Variants in SQSTM1 observed in about 807,000 individuals in gnomAD.
SQSTM1 encodes sequestosome 1, also known as sequestosome-1.
In SQSTM1, 36 loss-of-function variants were observed where a neutral mutation model predicts 45.1. That is an observed-to-expected ratio of 0.80 (90% CI 0.61 to 1.05). The LOEUF (loss-of-function observed/expected upper bound fraction) is 1.05. Ranked by LOEUF, SQSTM1 falls within the 50% of genes least tolerant of loss-of-function variation. The probability of loss-of-function intolerance (pLI) is 0.00; values close to 1 mark genes in which losing one functional copy is unlikely to be tolerated. For synonymous variants in SQSTM1, 290 were observed against 244.3 expected, an observed-to-expected ratio of 1.19 and a Z score of -1.74; for missense variants, 617 against 607.1, an observed-to-expected ratio of 1.02 and a Z score of -0.17.
chr5:179,835,363 G>T (rs924725065), intron 7 of SQSTM1: 1 of 173,920 alleles, frequency 5.7e-6, no homozygotes, highest in Non-Finnish European at 1.2e-5. Flanking sequence ...GTAGCGAGCC[G>T]AGATCACGCC....
At chr5:179,821,245 G>A in intron 1 of SQSTM1, 104 bp downstream of exon 1, 1 of 1,134,160 alleles carries the variant, frequency 8.8e-7, no homozygotes, top group Non-Finnish European at 1.2e-6. Context: ...GGCGGGCCGT[G>A]AGGGGGTCTG....
chr5:179,825,148 T>C lies in SQSTM1; in HGVS notation c.676T>C (p.Ser226Pro), dbSNP rs765200636. Reference sequence around the variant, plus strand: ...TCTTATCTTTGTAAAAATCAAAGCTTCTGGTCCATCGGAGGATCCGAGTGT... The same window carrying C: ...TCTTATCTTTGTAAAAATCAAAGCTCCTGGTCCATCGGAGGATCCGAGTGT... ...ARPGPTAESASGPSEDPSVNF... is the reference protein window; with the variant it reads ...ARPGPTAESAPGPSEDPSVNF... The change falls in exon 5 of 8, where the codon TCT becomes CCT. Residue 226 changes from serine (S) to proline (P), a missense_variant and splice_region_variant. Physicochemically the swap from Ser to Pro is moderately conservative, Grantham distance 74. Transcript: ENST00000389805. The C allele has an allele frequency of 1.2e-6, 2 of 1,614,010 alleles. No individual in the cohort carries two copies. The highest frequency in any genetic ancestry group is 1.7e-6 in the Non-Finnish European group (2 of 1,179,970).
upstream of SQSTM1, among the ~76,000 whole-genome samples, chr5:179,817,429 G>A (rs968156602): frequency 2.0e-5 from 3 of 152,178 alleles, no homozygotes; most frequent in Admixed American, 1.3e-4. Flanking sequence ...TGCCCCTGAG[G>A]GCCCAGGGTC....
intron 5 of SQSTM1, among the ~76,000 whole-genome samples, chr5:179,828,656 G>A (rs181850595): frequency 8.5e-5 from 13 of 152,288 alleles, no homozygotes; most frequent in Admixed American, 2.6e-4. Flanking sequence ...TTACAGGCGT[G>A]AGCCACTGTA....
chr5:179,825,176 A>C lies in SQSTM1; in HGVS notation c.704A>C (p.Asn235Thr). 2 of 1,614,122 alleles carry C rather than the reference A, an allele frequency of 1.2e-6. No individual in the cohort carries two copies. Among genetic ancestry groups the C allele is most frequent in the Non-Finnish European group, 1.7e-6 (2 of 1,180,034 alleles). ...ASGPSEDPSVNFLKNVGESVA... is the reference protein window; with the variant it reads ...ASGPSEDPSVTFLKNVGESVA... ...GGTCCATCGGAGGATCCGAGTGTGA[A>C]TTTCCTGAAGAACGTTGGGGAGAGT... The change falls in exon 5 of 8, where the codon AAT becomes ACT. Residue 235 changes from asparagine to threonine, a missense_variant. Physicochemically the swap from Asn to Thr is moderately conservative, Grantham distance 65 (BLOSUM62 0). Transcript: ENST00000389805.
chr5:179,814,576 G>T (rs1021206920), upstream of SQSTM1, among the ~76,000 whole-genome samples: 15 of 152,170 alleles, frequency 9.9e-5, no homozygotes, highest in Admixed American at 9.8e-4. Flanking sequence ...TCCTGCCCTG[G>T]CTACAGGCAT....
chr5:179,821,203 G>T, intron 1 of SQSTM1, 62 bp downstream of exon 1: 6 of 1,304,294 alleles, frequency 4.6e-6, no homozygotes, highest in Non-Finnish European at 5.9e-6. Context: ...CCTGCCGCGG[G>T]GTGGCTGCCC....
chr5:179,807,301 G>A (rs986485095), intron 1 of SQSTM1: 1 of 152,246 alleles, frequency 6.6e-6, no homozygotes, highest in Non-Finnish European at 1.5e-5. Flanking sequence ...GGTGGCGCGG[G>A]GGACTGGGCG....
intron 7 of SQSTM1, among the ~76,000 whole-genome samples, chr5:179,834,959 C>T (rs1256697649): frequency 6.6e-6 from 1 of 152,028 alleles, no homozygotes; most frequent in Non-Finnish European, 1.5e-5. Flanking sequence ...AGAGGGGCTC[C>T]TCACTTCCCA....
At chr5:179,835,250 C>G (rs1341341427) in intron 7 of SQSTM1, 1 of 178,058 alleles carries the variant, frequency 5.6e-6, no homozygotes, top group Non-Finnish European at 1.2e-5. Context: ...GATGGGCGGC[C>G]AGGCAGAGAC....
At chr5:179,811,327 T>TGCAGGGGGAGGAGCTA (rs1757390698) in intron 1 of SQSTM1, among the ~76,000 whole-genome samples, 1 of 121,968 alleles carries the variant, frequency 8.2e-6, no homozygotes, top group African/African-American at 3.3e-5. Context: ...GGGAGGAGCT[T>TGCAGGGGGAGGAGCTA]TGCAGGGGGA....
chr5:179,833,398 C>A, intron 6 of SQSTM1, 152 bp downstream of exon 6: 2 of 998,536 alleles, frequency 2.0e-6, no homozygotes, highest in Admixed American at 2.0e-5. Context: ...ATTAAAGTCA[C>A]GCTGGGAACC....
At chr5:179,833,338 C>T (rs1758335128) in intron 6 of SQSTM1, 92 bp downstream of exon 6, 4 of 1,286,542 alleles carry the variant, frequency 3.1e-6, no homozygotes, top group Non-Finnish European at 4.3e-6. Context: ...CCTCTGCAGC[C>T]CCACTTACAA....
chr5:179,809,325 ATTTTTTTTTTTTTTTT>A (rs71001049), intron 1 of SQSTM1, among the ~76,000 whole-genome samples: 1 of 41,080 alleles, frequency 2.4e-5, no homozygotes, highest in Non-Finnish European at 4.0e-5. Context: ...CGCCTGGCTA[ATTTTTTTTTTTTTTTT>A]TTTTTTTTTT....
chr5:179,833,533 A>G, intron 6 of SQSTM1, 54 bp from the exon 7 acceptor site: 1 of 1,589,388 alleles, frequency 6.3e-7, no homozygotes. Context: ...GGCCATGGTC[A>G]GGCTTGGCCT....
intron 7 of SQSTM1, among the ~76,000 whole-genome samples, 183 bp downstream of exon 7, chr5:179,833,965 G>C (rs972959392): frequency 6.6e-6 from 1 of 152,158 alleles, no homozygotes; most frequent in African/African-American, 2.4e-5. Context: ...TAGCGAGTAA[G>C]CTCTGCTAAT....
chr5:179,812,429 C>T (rs991701912), intron 2 of SQSTM1: 5 of 152,200 alleles, frequency 3.3e-5, no homozygotes, highest in African/African-American at 4.8e-5. Flanking sequence ...TTCCGGAGGC[C>T]GCCTGGACTG....
At position 179,820,989 on chromosome 5, in the gene SQSTM1, G is replaced by A. The variant is rs902195752; in HGVS notation, c.53G>A (p.Arg18His). Residue 18 changes from arginine to histidine, a missense_variant, in exon 1 of 8, where the codon CGC becomes CAC. Coordinates refer to ENST00000389805, the MANE Select transcript of SQSTM1 (RefSeq NM_003900.5). The part of the protein sequence containing the change: ...AYLLGKEDAA[R>H]EIRRFSFCCS... Reference sequence around the variant, plus strand: ...CTTCTGGGCAAGGAGGACGCGGCGCGCGAGATTCGCCGCTTCAGCTTCTGC... The same window carrying A: ...CTTCTGGGCAAGGAGGACGCGGCGCACGAGATTCGCCGCTTCAGCTTCTGC... 10 of 1,574,464 alleles carry A rather than the reference G, an allele frequency of 6.4e-6. No individual in the cohort carries two copies. Among genetic ancestry groups the A allele is most frequent in the Non-Finnish European group, 1.7e-6 (2 of 1,169,382 alleles).
chr5:179,822,077 C>T lies in SQSTM1; in HGVS notation c.206-881C>T, dbSNP rs77559574. ...TATTCAGTGTGAGAGCTTTTCATCA[C>T]CTTATAAACGCCATACATACCTTTT... On this transcript the variant is annotated intron_variant, in intron 1 of 7. Coordinates refer to ENST00000389805, the MANE Select transcript of SQSTM1 (RefSeq NM_003900.5). Among the ~76,000 whole-genome samples the T allele has an allele frequency of 2.0e-5, 3 of 152,178 alleles. No homozygotes were observed. The South Asian group carries it at 6.2e-4, about 31-fold the overall frequency.
Sources: gnomAD v4.1 joint callset for allele counts (sites outside exome capture counted in the v4.1 genomes callset) on GRCh38, gnomAD v4.1.1 for gene constraint, MANE v1.5 for transcripts, NCBI Gene and HGNC (gene_info 2026-07-23, HGNC 2026-07-21) for gene names.